The following LRRC8C variants were observed in gnomAD, a reference collection of about 807,000 sequenced individuals.
The protein encoded by LRRC8C is leucine rich repeat containing 8 VRAC subunit C.
LRRC8C carries 20 observed loss-of-function variants against 55.3 expected under a neutral mutation model. The observed-to-expected ratio is 0.36, with a 90% CI of 0.25 to 0.53. The LOEUF (loss-of-function observed/expected upper bound fraction) is 0.53. Among genes scored for constraint, LRRC8C ranks in the 20% least tolerant of loss-of-function variants. LRRC8C has a pLI of 0.92. For synonymous variants in LRRC8C, 376 were observed against 360.7 expected (o/e 1.04, Z -0.48); for missense variants, 659 against 951.4 (o/e 0.69, Z 4.04).
At chr1:89,618,685 G>A in the LRRC8C span, among the ~76,000 whole-genome samples, 7 of 152,174 alleles carry the variant, frequency 4.6e-5, no homozygotes, top group African/African-American at 1.7e-4. Context: ...CTAAAGTTTT[G>A]TCACCATTAC....
Position 89,714,126 on chromosome 1 carries a change from T to A in LRRC8C, c.1556T>A (p.Leu519Gln). The change falls in exon 3 of 3, where the codon CTG becomes CAG. Residue 519 changes from leucine to glutamine, a missense_variant. Physicochemically the swap from Leu to Gln is moderately radical, Grantham distance 113 (BLOSUM62 -2). This residue lies in a region of LRRC8C where 344 missense variants were observed against 464.6 expected (regional missense o/e 0.74). Coordinates refer to ENST00000370454, the MANE Select transcript of LRRC8C (RefSeq NM_032270.5). This position sits in a 1 kb window ranked among gnomAD's most constrained non-coding sequence, Gnocchi z 4.6. ...WMYGLRNLEELYLVGSLSHDI... is the reference protein window; with the variant it reads ...WMYGLRNLEEQYLVGSLSHDI... ...TATGGGCTCCGAAATCTGGAAGAGC[T>A]GTACCTAGTTGGCTCTCTAAGTCAT... 1 of 1,614,122 alleles carries A rather than the reference T, an allele frequency of 6.2e-7. No homozygotes were observed. Among genetic ancestry groups the A allele is most frequent in the Non-Finnish European group, 8.5e-7 (1 of 1,179,998 alleles).
At chr1:89,644,649 G>C (rs1261342993) in intron 1 of LRRC8C, among the ~76,000 whole-genome samples, 1 of 152,226 alleles carries the variant, frequency 6.6e-6, no homozygotes, top group East Asian at 1.9e-4. Flanking sequence ...CAAAGGTAGA[G>C]TTTGAACCTT....
chr1:89,681,297 T>C (rs1220201692), intron 1 of LRRC8C, among the ~76,000 whole-genome samples: 1 of 152,208 alleles, frequency 6.6e-6, no homozygotes, highest in East Asian at 1.9e-4. Context: ...AAAGTTTTCA[T>C]TGAGCAAGCA....
intron 2 of LRRC8C, among the ~76,000 whole-genome samples, chr1:89,708,813 G>A (rs1322970872): frequency 6.6e-6 from 1 of 152,004 alleles, no homozygotes; most frequent in East Asian, 1.9e-4. Context: ...ATTTATTTTT[G>A]TAGTCCTGGA....
At chr1:89,682,948 G>C (rs1657762433) in intron 1 of LRRC8C, among the ~76,000 whole-genome samples, 1 of 152,166 alleles carries the variant, frequency 6.6e-6, no homozygotes, top group Non-Finnish European at 1.5e-5. Flanking sequence ...ATTGAGACTT[G>C]AGTATGTGGC....
intron 2 of LRRC8C, among the ~76,000 whole-genome samples, chr1:89,703,812 G>A (rs1658398053): frequency 6.6e-6 from 1 of 151,596 alleles, no homozygotes; most frequent in African/African-American, 2.4e-5. Flanking sequence ...GGAAGGAGAA[G>A]GGAAAAGTAT....
At chr1:89,633,750 C>T (rs1334429876) in intron 1 of LRRC8C, among the ~76,000 whole-genome samples, 3 of 152,226 alleles carry the variant, frequency 2.0e-5, no homozygotes, top group Admixed American at 2.0e-4. Context: ...CACCCCCCTG[C>T]CACCTCCGAA....
At chr1:89,667,516 T>C (rs1361812747) in intron 1 of LRRC8C, among the ~76,000 whole-genome samples, 1 of 151,992 alleles carries the variant, frequency 6.6e-6, no homozygotes, top group Admixed American at 6.6e-5. Flanking sequence ...TTACTTATAT[T>C]GGGAAAAACT....
At chr1:89,661,571 T>A (rs1415759099) in intron 1 of LRRC8C, among the ~76,000 whole-genome samples, 1 of 152,216 alleles carries the variant, frequency 6.6e-6, no homozygotes, top group Non-Finnish European at 1.5e-5. Context: ...ACCACTTTAC[T>A]CTTCTAATTA....
intron 1 of LRRC8C, among the ~76,000 whole-genome samples, chr1:89,675,467 C>T (rs568081440): frequency 3.9e-5 from 6 of 152,302 alleles, no homozygotes; most frequent in African/African-American, 9.6e-5. Context: ...TTCTGGGCTG[C>T]GCTGTGTGTT....
intron 1 of LRRC8C, among the ~76,000 whole-genome samples, chr1:89,678,634 A>G (rs1389109617): frequency 6.6e-6 from 1 of 151,082 alleles, no homozygotes; most frequent in East Asian, 2.0e-4. Context: ...TGGGAGGCAG[A>G]TATTGCAGTG....
At chr1:89,660,459 A>T (rs756510282) in intron 1 of LRRC8C, among the ~76,000 whole-genome samples, 7 of 152,172 alleles carry the variant, frequency 4.6e-5, no homozygotes, top group Non-Finnish European at 8.8e-5. Flanking sequence ...CAGTGTTTTT[A>T]AAACTCTCCA....
chr1:89,702,943 C>T (rs1287633154), intron 2 of LRRC8C, among the ~76,000 whole-genome samples: 1 of 152,122 alleles, frequency 6.6e-6, no homozygotes, highest in African/African-American at 2.4e-5. Flanking sequence ...GAGCCCAGCA[C>T]AGAGAAAGAC....
intron 1 of LRRC8C, among the ~76,000 whole-genome samples, chr1:89,638,967 A>ATTATT (rs11270989): frequency 0.34 from 46,157 of 137,590 alleles, 8,704 homozygotes; most frequent in South Asian, 0.49. Flanking sequence ...TATTTTACTT[A>ATTATT]TTATTTTATT....
At chr1:89,643,478 GT>G (rs1656525885) in intron 1 of LRRC8C, among the ~76,000 whole-genome samples, 1 of 152,222 alleles carries the variant, frequency 6.6e-6, no homozygotes, top group South Asian at 2.1e-4. Flanking sequence ...ATTCTGCATG[GT>G]TTTGTGGACT....
At chr1:89,653,399 T>C (rs1413751041) in intron 1 of LRRC8C, among the ~76,000 whole-genome samples, 1 of 152,136 alleles carries the variant, frequency 6.6e-6, no homozygotes, top group Non-Finnish European at 1.5e-5. Context: ...ATCAGTCTGT[T>C]CACTGTCATG....
intron 1 of LRRC8C, among the ~76,000 whole-genome samples, chr1:89,636,365 G>T (rs879832585): frequency 2.6e-5 from 4 of 152,124 alleles, no homozygotes; most frequent in Admixed American, 1.3e-4. Context: ...TTATACAAAG[G>T]TCTAATCTGA....
At chr1:89,692,036 A>C (rs1342129125) in intron 2 of LRRC8C, among the ~76,000 whole-genome samples, 1 of 152,184 alleles carries the variant, frequency 6.6e-6, no homozygotes, top group Non-Finnish European at 1.5e-5. Context: ...GATCCATATA[A>C]CAAATTAATG....
intron 2 of LRRC8C, among the ~76,000 whole-genome samples, 157 bp downstream of exon 2, chr1:89,686,768 T>A (rs1657896109): frequency 6.6e-6 from 1 of 152,202 alleles, no homozygotes; most frequent in South Asian, 2.1e-4. Flanking sequence ...CTGAAACACC[T>A]ATTTACTGGG....
Sources: gnomAD v4.1 joint callset for allele counts (sites outside exome capture counted in the v4.1 genomes callset) on GRCh38, gnomAD v4.1.1 for gene constraint, gnomAD v4.1.1 regional missense constraint, Gnocchi (gnomAD v3.1) non-coding constraint, MANE v1.5 for transcripts, NCBI Gene and HGNC (gene_info 2026-07-23, HGNC 2026-07-21) for gene names.